INSR: variants seen among roughly 807,000 people sequenced by gnomAD.
INSR encodes IR.
A neutral mutation model predicts 142.6 loss-of-function variants in INSR; 67 were observed. The observed-to-expected ratio is 0.47, with a 90% CI of 0.39 to 0.58. The LOEUF is 0.58. Ranked by LOEUF, INSR falls within the 20% of genes least tolerant of loss-of-function variation. The pLI is 0.00. For missense variants in INSR, 1,248 were observed against 1,833.2 expected (o/e 0.68, Z 5.83); for synonymous variants, 756 against 743.1 (o/e 1.02, Z -0.28).
chr19:7,280,898 C>G (rs1249649997), intron 1 of INSR, among the ~76,000 whole-genome samples: 1 of 148,910 alleles, frequency 6.7e-6, no homozygotes, highest in Non-Finnish European at 1.5e-5. Flanking sequence ...ACTCGATCTC[C>G]AAAAAAAAAG....
chr19:7,241,319 C>T (rs1976333397), intron 2 of INSR, among the ~76,000 whole-genome samples: 1 of 151,894 alleles, frequency 6.6e-6, no homozygotes, highest in Non-Finnish European at 1.5e-5. Context: ...GCCAGAACTA[C>T]AAGAACATGC....
At chr19:7,242,863 A>T (rs1055688839) in intron 2 of INSR, among the ~76,000 whole-genome samples, 2 of 152,126 alleles carry the variant, frequency 1.3e-5, no homozygotes, top group Non-Finnish European at 2.9e-5. Context: ...AAAAAAAAGA[A>T]AGAAAAGGAA....
intron 2 of INSR, among the ~76,000 whole-genome samples, chr19:7,187,246 A>AT (rs1172611410): frequency 6.7e-6 from 1 of 149,384 alleles, no homozygotes; most frequent in Non-Finnish European, 1.5e-5. Flanking sequence ...CACCCCGCTA[A>AT]TTTTTTTGTA....
chr19:7,177,176 C>T (rs571301891), intron 3 of INSR, among the ~76,000 whole-genome samples: 6 of 152,276 alleles, frequency 3.9e-5, no homozygotes, highest in African/African-American at 1.4e-4. Flanking sequence ...GCACAAGATC[C>T]AAGCCAAGCT....
At chr19:7,219,956 A>T (rs1045245040) in intron 2 of INSR, among the ~76,000 whole-genome samples, 1 of 152,186 alleles carries the variant, frequency 6.6e-6, no homozygotes, top group Admixed American at 6.5e-5. Flanking sequence ...CCCAGAACTG[A>T]ATCTTATGGA....
chr19:7,254,511 A>G (rs944683273), intron 2 of INSR, among the ~76,000 whole-genome samples: 4 of 152,174 alleles, frequency 2.6e-5, no homozygotes, highest in Non-Finnish European at 1.5e-5. Context: ...CCTGGGTGAC[A>G]GAGCAAGACC....
chr19:7,173,092 T>A (rs1974056537), intron 4 of INSR, among the ~76,000 whole-genome samples: 1 of 152,092 alleles, frequency 6.6e-6, no homozygotes, highest in South Asian at 2.1e-4. Flanking sequence ...GCTGAATATA[T>A]TCATGAAAGA....
chr19:7,140,967 C>T (rs1374285779), intron 13 of INSR, among the ~76,000 whole-genome samples: 1 of 152,170 alleles, frequency 6.6e-6, no homozygotes, highest in Non-Finnish European at 1.5e-5. Context: ...ATGTCTTGTG[C>T]ATCTCTGCAC....
At chr19:7,128,711 A>G in intron 15 of INSR, 141 bp downstream of exon 15, 1 of 665,138 alleles carries the variant, frequency 1.5e-6, no homozygotes. Context: ...ATATTATGAC[A>G]ATTATCTGTA....
At chr19:7,120,087 A>C (rs1972453136) in intron 20 of INSR, among the ~76,000 whole-genome samples, 1 of 152,232 alleles carries the variant, frequency 6.6e-6, no homozygotes, top group South Asian at 2.1e-4. Context: ...CATTCTATTC[A>C]GAGTCCCCAC....
chr19:7,140,744 C>T lies in INSR; in HGVS notation c.2682+933G>A, dbSNP rs558074753. On this transcript the variant is annotated intron_variant, in intron 13 of 21. Transcript: ENST00000302850. Reference sequence around the variant, plus strand: ...AACAGTACTCAGGATCTATATTCTACGAAAAAAATAAAATTAGAATTAACG... The same window carrying T: ...AACAGTACTCAGGATCTATATTCTATGAAAAAAATAAAATTAGAATTAACG... 1.0e-4 allele frequency among the ~76,000 whole-genome samples: 15 copies of T among 143,258 alleles called. No individual in the cohort carries two copies. The South Asian group carries it at 1.1e-3, about 10-fold the overall frequency. 94.0% of individuals were successfully genotyped at this position (143,258 alleles called of 152,430 possible). A position where few individuals can be genotyped will look rare whatever the true frequency, so the allele number is the denominator to read the frequency against.
In INSR at chr19:7,249,848, C is replaced by T. The variant is rs568274838; in HGVS notation, c.652+17497G>A. On this transcript the variant is annotated intron_variant, in intron 2 of 21. Transcript: ENST00000302850. ...TCTACTAAAAATACAAAAAATTAGCCGGGCGTGGTGGCAGGTGCCTGTAGT... is the reference window on the plus strand; with the variant it reads ...TCTACTAAAAATACAAAAAATTAGCTGGGCGTGGTGGCAGGTGCCTGTAGT... Among the ~76,000 whole-genome samples, 7 of 152,078 alleles carry T rather than the reference C, an allele frequency of 4.6e-5. No individual in the cohort carries two copies. The East Asian group carries it at 5.8e-4, about 13-fold the overall frequency.
At chr19:7,247,602 C>T (rs1380395890) in intron 2 of INSR, among the ~76,000 whole-genome samples, 17 of 152,212 alleles carry the variant, frequency 1.1e-4, no homozygotes, top group Non-Finnish European at 1.8e-4. Context: ...TTATTTTTAT[C>T]GAAAGAGGGG....
intron 1 of INSR, among the ~76,000 whole-genome samples, chr19:7,288,949 T>G (rs1161172420): frequency 6.1e-4 from 29 of 47,184 alleles, no homozygotes; most frequent in African/African-American, 1.7e-3. Context: ...GGTGAAGAAG[T>G]GAAAAAAAAA....
intron 2 of INSR, among the ~76,000 whole-genome samples, chr19:7,262,853 A>C (rs1240632147): frequency 1.3e-5 from 2 of 152,126 alleles, no homozygotes; most frequent in Non-Finnish European, 2.9e-5. Context: ...GGAGAGGGAG[A>C]TGGTGGAGTG....
At chr19:7,219,482 A>AGGGC (rs1975533976) in intron 2 of INSR, among the ~76,000 whole-genome samples, 1 of 115,630 alleles carries the variant, frequency 8.6e-6, no homozygotes, top group Non-Finnish European at 1.7e-5. Context: ...AAAGGGAGGG[A>AGGGC]GGGAAGGAAG....
At chr19:7,212,206 G>A (rs930097669) in intron 2 of INSR, among the ~76,000 whole-genome samples, 9 of 152,068 alleles carry the variant, frequency 5.9e-5, no homozygotes, top group Admixed American at 5.9e-4. Context: ...CACTTGGTGA[G>A]CGAGACTCTT....
chr19:7,191,043 T>A (rs539262971), intron 2 of INSR, among the ~76,000 whole-genome samples: 24 of 152,270 alleles, frequency 1.6e-4, no homozygotes, highest in African/African-American at 4.8e-4. Flanking sequence ...ACGCCTGTAA[T>A]CCCAGCACTT....
chr19:7,126,576 G>A lies in INSR; in HGVS notation c.3013+8C>T. 4 of 1,555,436 alleles carry A rather than the reference G, an allele frequency of 2.6e-6. No homozygotes were observed. The highest frequency in any genetic ancestry group is 1.4e-5 in the African/African-American group (1 of 73,602). ...TCTGGCCACCCACAGGGAAGGGATG[G>A]TACTCACCATCACTGGCACTGAGAT... On this transcript the variant is annotated splice_region_variant and intron_variant, in intron 16 of 21. Transcript: ENST00000302850.
Sources: allele counts gnomAD v4.1 joint callset (sites outside exome capture counted in the v4.1 genomes callset), GRCh38; gene constraint gnomAD v4.1.1; transcripts MANE v1.5; gene names NCBI Gene and HGNC (gene_info 2026-07-23, HGNC 2026-07-21).